STK32B: variants seen among roughly 807,000 people sequenced by gnomAD.
The protein encoded by STK32B is serine/threonine kinase 32B, also known as serine/threonine-protein kinase 32B.
STK32B carries 43 observed loss-of-function variants against 52.6 expected under a neutral mutation model. The ratio of observed to expected loss-of-function variants is 0.82; its 90% CI spans 0.64 to 1.05. STK32B has a LOEUF of 1.05. Among genes scored for constraint, STK32B ranks in the 50% least tolerant of loss-of-function variants. The probability of loss-of-function intolerance (pLI) is 0.00; values close to 1 mark genes in which losing one functional copy is unlikely to be tolerated. For synonymous variants in STK32B, 238 were observed against 204.3 expected (o/e 1.17, Z -1.41); for missense variants, 621 against 534.6 (o/e 1.16, Z -1.59).
At chr4:5,071,875 A>T (rs781186313) in intron 1 of STK32B, among the ~76,000 whole-genome samples, 2 of 152,182 alleles carry the variant, frequency 1.3e-5, no homozygotes, top group African/African-American at 4.8e-5. Flanking sequence ...TATGATGGGT[A>T]GGGAGAGAAA....
chr4:5,225,625 G>A (rs1396083379), intron 3 of STK32B, among the ~76,000 whole-genome samples: 1 of 152,080 alleles, frequency 6.6e-6, no homozygotes, highest in Non-Finnish European at 1.5e-5. Context: ...GAGGGCTGGT[G>A]ATTTGGTGCC....
chr4:5,194,582 C>T (rs987079520), intron 3 of STK32B, among the ~76,000 whole-genome samples: 2 of 152,194 alleles, frequency 1.3e-5, no homozygotes, highest in Non-Finnish European at 2.9e-5. Flanking sequence ...CTTAGGAATT[C>T]TCCTTAGTTT....
At chr4:5,388,726 C>G (rs899669899) in intron 4 of STK32B, among the ~76,000 whole-genome samples, 1 of 152,244 alleles carries the variant, frequency 6.6e-6, no homozygotes, top group African/African-American at 2.4e-5. Context: ...CAAGAAGGTC[C>G]AAGCTTCTTA....
intron 1 of STK32B, among the ~76,000 whole-genome samples, chr4:5,102,096 C>A (rs1047518302): frequency 6.6e-6 from 1 of 152,176 alleles, no homozygotes; most frequent in African/African-American, 2.4e-5. Flanking sequence ...AGGAGTGAAC[C>A]AGTCGGATGA....
intron 3 of STK32B, among the ~76,000 whole-genome samples, chr4:5,329,833 C>G (rs1732116724): frequency 6.6e-6 from 1 of 152,206 alleles, no homozygotes; most frequent in Non-Finnish European, 1.5e-5. Context: ...GTCCAGCCAT[C>G]TCCTCTTTCC....
intron 4 of STK32B, among the ~76,000 whole-genome samples, chr4:5,377,034 G>T (rs1735631094): frequency 6.6e-6 from 1 of 152,026 alleles, no homozygotes; most frequent in South Asian, 2.1e-4. Flanking sequence ...CTACACCCCT[G>T]CCCCCAGCTC....
chr4:5,166,092 T>C (rs1451992220), intron 2 of STK32B, among the ~76,000 whole-genome samples: 2 of 151,862 alleles, frequency 1.3e-5, no homozygotes, highest in Non-Finnish European at 2.9e-5. Context: ...CTGCCTTGAA[T>C]AGATTTGCAA....
rs150330159 is a variant in STK32B at position 5,390,939 on chromosome 4, G to T, written c.435-7268G>T. Among the ~76,000 whole-genome samples the T allele has an allele frequency of 1.1e-4, 16 of 149,912 alleles. No individual in the cohort carries two copies. The South Asian group carries it at 3.4e-3, about 32-fold the overall frequency. On this transcript the variant is annotated intron_variant, in intron 4 of 11. Transcript: ENST00000282908. The stretch of plus-strand genomic sequence containing the variant: ...CCTCTGTCCTTATGTGGCCTTCTCT[G>T]TGTCTACCTGTGTCTCTTTTCTATC...
At chr4:5,240,979 T>C (rs1484870154) in intron 3 of STK32B, among the ~76,000 whole-genome samples, 1 of 152,210 alleles carries the variant, frequency 6.6e-6, no homozygotes, top group Non-Finnish European at 1.5e-5. Context: ...GTTCTTTTTG[T>C]AAGTCCTTCC....
At chr4:5,485,214 T>C (rs1719051677) in intron 11 of STK32B, among the ~76,000 whole-genome samples, 2 of 152,176 alleles carry the variant, frequency 1.3e-5, no homozygotes, top group African/African-American at 4.8e-5. Context: ...TCCCCGTCAC[T>C]TTCAGGTACA....
At chr4:5,331,482 G>A in intron 4 of STK32B, 89 bp downstream of exon 4, 4 of 1,412,244 alleles carry the variant, frequency 2.8e-6, no homozygotes, top group Non-Finnish European at 3.8e-6. Context: ...AGAGAATTTT[G>A]TCCTTGACAT....
At position 5,361,670 on chromosome 4, in the gene STK32B, C is replaced by T. The variant is rs552529103; in HGVS notation, c.434+30277C>T. Among the ~76,000 whole-genome samples, 13 of 152,264 alleles carry T rather than the reference C, an allele frequency of 8.5e-5. No individual in the cohort carries two copies. In the South Asian group the frequency reaches 2.1e-3, roughly 24 times the overall value. On this transcript the variant is annotated intron_variant, in intron 4 of 11. Coordinates refer to ENST00000282908, the MANE Select transcript of STK32B (RefSeq NM_018401.3). ...GCCTATTTCAATTTTTTTTGAAGAA[C>T]GTCTGGACTAGAATTCTGTAATAAA...
intron 3 of STK32B, among the ~76,000 whole-genome samples, chr4:5,259,121 C>T (rs772126834): frequency 5.3e-5 from 8 of 152,298 alleles, no homozygotes; most frequent in African/African-American, 9.6e-5. Context: ...TCCCTGGCAA[C>T]CTCATCTAAA....
At position 5,118,569 on chromosome 4, in the gene STK32B, A is replaced by G. The variant is rs1714861992; in HGVS notation, c.53-21336A>G. On this transcript the variant is annotated intron_variant, in intron 1 of 11. Transcript: ENST00000282908. ...TGTTTCAGAAGCCATGTGCTCAGAG[A>G]GTCCTGCCCTGGCCACCTGTGCTGA... is the stretch of plus-strand genomic sequence containing the variant. Among the ~76,000 whole-genome samples, 5 of 152,288 alleles carry G rather than the reference A, an allele frequency of 3.3e-5. No individual in the cohort carries two copies. The South Asian group carries it at 1.0e-3, about 32-fold the overall frequency.
At chr4:5,409,055 T>C (rs1737856620) in intron 5 of STK32B, among the ~76,000 whole-genome samples, 1 of 152,098 alleles carries the variant, frequency 6.6e-6, no homozygotes, top group Non-Finnish European at 1.5e-5. Context: ...ATGGGATGAC[T>C]AGACAATGTT....
Position 5,177,941 on chromosome 4 carries a change from A to T in STK32B, c.260+9491A>T, listed in dbSNP as rs548547357. Among the ~76,000 whole-genome samples, 17 of 152,276 alleles carry T rather than the reference A, an allele frequency of 1.1e-4. 1 individual carries two copies. The South Asian group carries it at 3.5e-3, about 32-fold the overall frequency. The stretch of plus-strand genomic sequence containing the variant: ...CTGTTTTCACAGGCTGGCACTGAGT[A>T]TCTGTGACTTTTCCAGGTGCATGGT... On this transcript the variant is annotated intron_variant, in intron 3 of 11. Transcript: ENST00000282908.
At chr4:5,443,556 C>G (rs1198041084) in intron 6 of STK32B, among the ~76,000 whole-genome samples, 1 of 152,134 alleles carries the variant, frequency 6.6e-6, no homozygotes, top group Non-Finnish European at 1.5e-5. Context: ...TGAATGTCCT[C>G]CCATAGCTCA....
At chr4:5,335,382 G>C (rs980654493) in intron 4 of STK32B, among the ~76,000 whole-genome samples, 11 of 151,470 alleles carry the variant, frequency 7.3e-5, no homozygotes, top group African/African-American at 2.4e-4. Flanking sequence ...TTCTTTATTA[G>C]TCTTGCTAGC....
At chr4:5,391,223 G>A (rs937451906) in intron 4 of STK32B, among the ~76,000 whole-genome samples, 1 of 152,026 alleles carries the variant, frequency 6.6e-6, no homozygotes, top group African/African-American at 2.4e-5. Context: ...GCCTCCTAAA[G>A]TGCTGGAATT....
Sources: allele counts gnomAD v4.1 joint callset (sites outside exome capture counted in the v4.1 genomes callset), GRCh38; gene constraint gnomAD v4.1.1; transcripts MANE v1.5; gene names NCBI Gene and HGNC (gene_info 2026-07-23, HGNC 2026-07-21).